The following GALNT17 variants were observed in gnomAD, a reference collection of about 807,000 sequenced individuals.
GALNT17 encodes the protein polypeptide N-acetylgalactosaminyltransferase 17, also known as UDP-GalNAc:polypeptide N-acetylgalactosaminyltransferase-like 3.
GALNT17 carries 29 observed loss-of-function variants against 63.7 expected under a neutral mutation model. The ratio of observed to expected loss-of-function variants is 0.46; its 90% CI spans 0.34 to 0.62. The LOEUF is 0.62. Ranked by LOEUF, GALNT17 falls within the 20% of genes least tolerant of loss-of-function variation. The pLI is 0.01. For synonymous variants in GALNT17, 305 were observed against 318.3 expected (o/e 0.96, Z 0.45); for missense variants, 603 against 799.6 (o/e 0.75, Z 2.97).
At chr7:71,455,041 A>G (rs940039397) in intron 5 of GALNT17, among the ~76,000 whole-genome samples, 2 of 152,004 alleles carry the variant, frequency 1.3e-5, no homozygotes, top group African/African-American at 4.8e-5. Flanking sequence ...GGTGGTATGC[A>G]TCTATAGTGG....
At chr7:71,217,646 C>T (rs538928291) in intron 1 of GALNT17, among the ~76,000 whole-genome samples, 1 of 152,226 alleles carries the variant, frequency 6.6e-6, no homozygotes, top group Non-Finnish European at 1.5e-5. Flanking sequence ...AAAATTCAGG[C>T]TGGGCATGGT....
In GALNT17 at chr7:71,699,245, C is replaced by T. The variant is rs556039623; in HGVS notation, c.1501-11516C>T. ...CTGTAATCCCAGCACTTCTTGAGGC[C>T]GAGGCCGGTGGATCACGAGGTCAAG... On this transcript the variant is annotated intron_variant, in intron 9 of 10. Coordinates refer to ENST00000333538, the MANE Select transcript of GALNT17 (RefSeq NM_022479.3). Among the ~76,000 whole-genome samples, 11 of 150,184 alleles carry T rather than the reference C, an allele frequency of 7.3e-5. No homozygotes were observed. In the South Asian group the frequency reaches 1.7e-3, roughly 23 times the overall value.
intron 5 of GALNT17, among the ~76,000 whole-genome samples, chr7:71,556,003 A>T (rs62459955): frequency 0.026 from 3,963 of 152,342 alleles, 70 homozygotes; most frequent in Middle Eastern, 0.082. Flanking sequence ...CAGCTCTGAC[A>T]GTCTTCCCCT....
intron 6 of GALNT17, among the ~76,000 whole-genome samples, chr7:71,586,841 T>C (rs918996256): frequency 6.6e-6 from 1 of 152,288 alleles, no homozygotes; most frequent in Admixed American, 6.6e-5. Context: ...TTTATAGTCA[T>C]AAATATTTGA....
At chr7:71,409,335 G>T (rs1370141563) in intron 3 of GALNT17, among the ~76,000 whole-genome samples, 2 of 152,140 alleles carry the variant, frequency 1.3e-5, no homozygotes, top group Non-Finnish European at 2.9e-5. Flanking sequence ...TATGCACTTA[G>T]CAGACCAGTT....
chr7:71,611,586 C>G (rs1032123934), intron 6 of GALNT17, among the ~76,000 whole-genome samples: 1 of 152,098 alleles, frequency 6.6e-6, no homozygotes, highest in Non-Finnish European at 1.5e-5. Flanking sequence ...CACACAAATC[C>G]AAGATAAATG....
At chr7:71,306,862 T>G (rs1455790450) in intron 1 of GALNT17, among the ~76,000 whole-genome samples, 3 of 152,180 alleles carry the variant, frequency 2.0e-5, no homozygotes, top group African/African-American at 7.2e-5. Context: ...CTCGCTCTGT[T>G]GCCCAGGCTG....
chr7:71,583,744 CACACACACACA>C (rs1231651108), intron 6 of GALNT17, among the ~76,000 whole-genome samples: 2 of 2,494 alleles, frequency 8.0e-4, no homozygotes, highest in South Asian at 0.25. Flanking sequence ...CACACACACA[CACACACACACA>C]CACACCACAC....
intron 1 of GALNT17, among the ~76,000 whole-genome samples, chr7:71,169,119 C>G (rs752031197): frequency 5.3e-5 from 8 of 152,160 alleles, no homozygotes; most frequent in Admixed American, 6.5e-5. Flanking sequence ...GGAACCACTA[C>G]AGATCTCTGG....
chr7:71,293,455 A>G (rs1176143548), intron 1 of GALNT17, among the ~76,000 whole-genome samples: 1 of 152,114 alleles, frequency 6.6e-6, no homozygotes, highest in East Asian at 1.9e-4. Flanking sequence ...AGTTGGTGAC[A>G]TTGTGCATTT....
chr7:71,155,706 G>A (rs968802062), intron 1 of GALNT17, among the ~76,000 whole-genome samples: 1 of 151,676 alleles, frequency 6.6e-6, no homozygotes, highest in Non-Finnish European at 1.5e-5. Context: ...AGAACCTGGA[G>A]AATTTGGTGT....
At chr7:71,406,473 A>G (rs73700935) in intron 3 of GALNT17, among the ~76,000 whole-genome samples, 6,762 of 152,200 alleles carry the variant, frequency 0.044, 343 homozygotes, top group African/African-American at 0.13. Flanking sequence ...TTCAGGTCCC[A>G]CAAAACCCAG....
chr7:71,234,516 G>C (rs1172322752), intron 1 of GALNT17, among the ~76,000 whole-genome samples: 1 of 151,978 alleles, frequency 6.6e-6, no homozygotes, highest in Non-Finnish European at 1.5e-5. Context: ...AGCCCACTTC[G>C]GCCTCCCAAA....
intron 1 of GALNT17, among the ~76,000 whole-genome samples, chr7:71,294,636 A>T (rs1163361300): frequency 6.6e-6 from 1 of 151,972 alleles, no homozygotes; most frequent in African/African-American, 2.4e-5. Context: ...GCTGGCCTTG[A>T]ACTCCTGACC....
intron 6 of GALNT17, among the ~76,000 whole-genome samples, chr7:71,608,092 A>T (rs1035003631): frequency 3.3e-5 from 5 of 152,190 alleles, no homozygotes; most frequent in Non-Finnish European, 7.3e-5. Context: ...TGTTTTCCCC[A>T]GGAAAGTTCT....
chr7:71,252,620 G>T (rs191250329), intron 1 of GALNT17, among the ~76,000 whole-genome samples: 165 of 152,246 alleles, frequency 1.1e-3, no homozygotes, highest in Middle Eastern at 3.4e-3. Flanking sequence ...TTCATTTCAG[G>T]AATATTGACA....
At chr7:71,294,409 CTT>C (rs869086513) in intron 1 of GALNT17, among the ~76,000 whole-genome samples, 6,054 of 90,672 alleles carry the variant, frequency 0.067, 59 homozygotes, top group African/African-American at 0.17. Context: ...CTCATAAGTC[CTT>C]TTTTTTTTTT....
chr7:71,151,417 C>T (rs1463558799), intron 1 of GALNT17, among the ~76,000 whole-genome samples: 2 of 151,998 alleles, frequency 1.3e-5, no homozygotes, highest in Non-Finnish European at 2.9e-5. Context: ...GTCAGGAGAT[C>T]GAGACCATCC....
intron 5 of GALNT17, among the ~76,000 whole-genome samples, chr7:71,432,131 C>T (rs138510001): frequency 0.033 from 4,945 of 151,928 alleles, 118 homozygotes; most frequent in South Asian, 0.11. Flanking sequence ...GCCGAGATCA[C>T]GCCATTGCAC....
Sources: gnomAD v4.1 joint callset for allele counts (sites outside exome capture counted in the v4.1 genomes callset) on GRCh38, gnomAD v4.1.1 for gene constraint, MANE v1.5 for transcripts, NCBI Gene and HGNC (gene_info 2026-07-23, HGNC 2026-07-21) for gene names.